TMPRSS15: variants seen among roughly 807,000 people sequenced by gnomAD.
The protein encoded by TMPRSS15 is transmembrane serine protease 15, also known as enteropeptidase.
Under a neutral mutation model 125.3 loss-of-function variants are expected in TMPRSS15, and 128 were observed. The ratio of observed to expected loss-of-function variants is 1.02; its 90% CI spans 0.89 to 1.18. The LOEUF is 1.18. TMPRSS15 is among the 50% of genes most tolerant of loss of function. TMPRSS15 has a pLI of 0.00. For missense variants in TMPRSS15, 1,283 were observed against 1,212.7 expected, an observed-to-expected ratio of 1.06 and a Z score of -0.86; for synonymous variants, 446 against 423.2, an observed-to-expected ratio of 1.05 and a Z score of -0.66.
At chr21:18,455,165 T>C (rs998762060) in intron 1 of TMPRSS15, among the ~76,000 whole-genome samples, 3 of 152,254 alleles carry the variant, frequency 2.0e-5, no homozygotes, top group Non-Finnish European at 4.4e-5. Flanking sequence ...CCTTCCACCA[T>C]GATTGTAAGT....
intron 17 of TMPRSS15, among the ~76,000 whole-genome samples, chr21:18,313,647 T>C (rs1284224412): frequency 2.0e-5 from 3 of 151,932 alleles, no homozygotes; most frequent in Non-Finnish European, 4.4e-5. Context: ...AGATTGATTG[T>C]AGTTTTTCTT....
At chr21:18,332,914 C>CA (rs1228935764) in intron 13 of TMPRSS15, among the ~76,000 whole-genome samples, 1 of 152,020 alleles carries the variant, frequency 6.6e-6, no homozygotes, top group African/African-American at 2.4e-5. Flanking sequence ...TATGCAGTAA[C>CA]AAAAAATAAT....
chr21:18,282,752 C>T (rs948591602), intron 21 of TMPRSS15, among the ~76,000 whole-genome samples: 2 of 152,104 alleles, frequency 1.3e-5, no homozygotes, highest in African/African-American at 2.4e-5. Context: ...ACAATGGGAA[C>T]AAACTAGGCG....
chr21:18,431,609 T>A (rs1465931906), intron 1 of TMPRSS15, among the ~76,000 whole-genome samples: 1 of 152,136 alleles, frequency 6.6e-6, no homozygotes, highest in Non-Finnish European at 1.5e-5. Context: ...CAATAAGAAC[T>A]TTTTTCCAAA....
intron 22 of TMPRSS15, among the ~76,000 whole-genome samples, chr21:18,279,502 ATT>A (rs568503406): frequency 7.6e-6 from 1 of 131,530 alleles, no homozygotes. Flanking sequence ...ATTTTTTTGT[ATT>A]TTTTTTTTTT....
chr21:18,294,507 A>G, intron 20 of TMPRSS15, 63 bp from the exon 21 acceptor site: 1 of 1,607,400 alleles, frequency 6.2e-7, no homozygotes, highest in African/African-American at 1.3e-5. Context: ...GATGGTGAAA[A>G]TTGAGTGGTA....
chr21:18,289,915 A>G (rs1261803084), intron 21 of TMPRSS15, among the ~76,000 whole-genome samples: 2 of 152,228 alleles, frequency 1.3e-5, no homozygotes, highest in African/African-American at 2.4e-5. Context: ...TAACAGGTGC[A>G]TGCATTTAAA....
At chr21:18,385,004 G>T (rs577548472) in intron 3 of TMPRSS15, among the ~76,000 whole-genome samples, 2 of 152,154 alleles carry the variant, frequency 1.3e-5, no homozygotes, top group South Asian at 4.2e-4. Flanking sequence ...CCTTCTTCGT[G>T]TCCATGGCAC....
intron 1 of TMPRSS15, among the ~76,000 whole-genome samples, chr21:18,481,257 C>T (rs919224321): frequency 2.6e-5 from 4 of 151,836 alleles, no homozygotes; most frequent in Non-Finnish European, 5.9e-5. Flanking sequence ...TTCTGAGCTT[C>T]TATTGACTTA....
Position 18,403,658 on chromosome 21 carries a change from AAG to A in TMPRSS15, c.-38_-37del. 1 of 1,613,368 alleles carries A rather than the reference AAG, an allele frequency of 6.2e-7. No homozygotes were observed. The highest frequency in any genetic ancestry group is 8.5e-7 in the Non-Finnish European group (1 of 1,179,462). ...GAAGGCTTGCTAATTTAAGAACTGA[AAG>A]AGAATATAAATAATTCTACCAACTG... is the stretch of plus-strand genomic sequence containing the variant. On this transcript the variant is annotated 5_prime_UTR_variant, in exon 1 of 25. Transcript: ENST00000284885.
At position 18,269,666 on chromosome 21, in the gene TMPRSS15, A is replaced by T. The variant is rs2074530344; in HGVS notation, c.*303T>A. 2.0e-5 allele frequency: 6 copies of T among 303,628 alleles called. No individual in the cohort carries two copies. In the South Asian group the frequency reaches 2.1e-4, roughly 11 times the overall value. The allele number at this position is 303,628 out of a possible 1,614,324, so 18.8% of individuals were successfully genotyped here. ...ATATGCTTTAAAATAACATCCCTTT[A>T]AACAACAGTAAGTAATAAAAATAAT... is the stretch of plus-strand genomic sequence containing the variant. On this transcript the variant is annotated 3_prime_UTR_variant, in exon 25 of 25. Transcript: ENST00000284885.
intron 13 of TMPRSS15, among the ~76,000 whole-genome samples, chr21:18,339,600 G>A (rs1265863441): frequency 6.6e-6 from 1 of 152,126 alleles, no homozygotes; most frequent in Non-Finnish European, 1.5e-5. Flanking sequence ...TCAGATCCAT[G>A]CAGAACAAAA....
At chr21:18,287,645 T>C (rs1406432049) in intron 21 of TMPRSS15, among the ~76,000 whole-genome samples, 1 of 152,112 alleles carries the variant, frequency 6.6e-6, no homozygotes, top group African/African-American at 2.4e-5. Context: ...TGTTATTAAA[T>C]AGTGGTAATA....
chr21:18,365,869 G>A (rs973701446), intron 6 of TMPRSS15, among the ~76,000 whole-genome samples: 1 of 151,066 alleles, frequency 6.6e-6, no homozygotes, highest in Non-Finnish European at 1.5e-5. Context: ...GGAGTAGCTG[G>A]GATTACAGGC....
intron 1 of TMPRSS15, among the ~76,000 whole-genome samples, chr21:18,475,602 C>T (rs1452010662): frequency 6.6e-6 from 1 of 152,022 alleles, no homozygotes; most frequent in Non-Finnish European, 1.5e-5. Context: ...AAAAAATTTT[C>T]TTCTTTGATT....
At position 18,470,759 on chromosome 21, in the gene TMPRSS15, G is replaced by A. The variant is rs1192060011; in HGVS notation, c.10+15040C>T. Among the ~76,000 whole-genome samples the A allele has an allele frequency of 2.6e-5, 4 of 151,946 alleles. No homozygotes were observed. The East Asian group carries it at 7.7e-4, about 29-fold the overall frequency. On this transcript the variant is annotated intron_variant, in intron 1 of 7. Transcript: ENST00000422787. ...GAAATATGAAAAAATGGGAGATAGA[G>A]AAGGCATATGATCTTATTCTGAATA... is the stretch of plus-strand genomic sequence containing the variant.
At chr21:18,307,573 C>T (rs2075050900) in intron 18 of TMPRSS15, among the ~76,000 whole-genome samples, 1 of 152,104 alleles carries the variant, frequency 6.6e-6, no homozygotes, top group African/African-American at 2.4e-5. Context: ...TGTCTATCAT[C>T]ACCACATAAG....
At chr21:18,312,701 TAACA>T (rs935899406) in intron 18 of TMPRSS15, among the ~76,000 whole-genome samples, 3 of 151,906 alleles carry the variant, frequency 2.0e-5, no homozygotes, top group Non-Finnish European at 4.4e-5. Context: ...GTATTTTGTA[TAACA>T]GAGTATATTG....
At chr21:18,421,495 T>A (rs145133190) in intron 1 of TMPRSS15, among the ~76,000 whole-genome samples, 69 of 152,326 alleles carry the variant, frequency 4.5e-4, no homozygotes, top group African/African-American at 1.5e-3. Flanking sequence ...TGAGACCAGA[T>A]GTTTCTATCC....
Sources: gnomAD v4.1 joint callset for allele counts (sites outside exome capture counted in the v4.1 genomes callset) on GRCh38, gnomAD v4.1.1 for gene constraint, MANE v1.5 for transcripts, NCBI Gene and HGNC (gene_info 2026-07-23, HGNC 2026-07-21) for gene names.